The following SRPX variants were observed in gnomAD, a reference collection of about 807,000 sequenced individuals.
The protein encoded by SRPX is sushi repeat-containing protein SRPX.
SRPX carries 24 observed loss-of-function variants against 38.1 expected under a neutral mutation model. The ratio of observed to expected loss-of-function variants is 0.63; its 90% CI spans 0.46 to 0.89. SRPX has a LOEUF of 0.89. Ranked by LOEUF, SRPX falls within the 40% of genes least tolerant of loss-of-function variation. The pLI is 0.00. For missense variants in SRPX, 416 were observed against 377.8 expected (o/e 1.10, Z -0.84); for synonymous variants, 184 against 153.8 (o/e 1.20, Z -1.45).
At chrX:38,153,213 C>T (rs1296679510) in intron 9 of SRPX, among the ~76,000 whole-genome samples, 2 of 110,156 alleles carry the variant, frequency 1.8e-5, no homozygotes, top group Admixed American at 9.7e-5. Flanking sequence ...CCAGCCTTCT[C>T]CATTCATCAG....
intron 1 of SRPX, among the ~76,000 whole-genome samples, chrX:38,201,052 T>A (rs1227278383): frequency 1.8e-5 from 2 of 111,941 alleles, no homozygotes; most frequent in Non-Finnish European, 3.8e-5. Flanking sequence ...TCCTCTGAAC[T>A]TTCACAGTGA....
At chrX:38,217,465 A>G (rs182921210) in intron 1 of SRPX, among the ~76,000 whole-genome samples, 105 of 111,480 alleles carry the variant, frequency 9.4e-4, no homozygotes, top group African/African-American at 3.3e-3. Flanking sequence ...AATGTGACTC[A>G]GGTTCTATAA....
At chrX:38,191,541 GAC>G (rs10570334) in intron 1 of SRPX, among the ~76,000 whole-genome samples, 33,701 of 105,004 alleles carry the variant, frequency 0.32, 4,517 homozygotes, top group Middle Eastern at 0.42. Context: ...ATTATACACA[GAC>G]ACACACACAC....
chrX:38,172,055 T>C lies in SRPX; in HGVS notation c.352A>G (p.Lys118Glu), dbSNP rs755381730. The C allele has an allele frequency of 8.3e-7, 1 of 1,207,109 alleles. No homozygotes were observed. Among genetic ancestry groups the C allele is most frequent in the South Asian group, 1.8e-5 (1 of 56,302 alleles). Reference sequence around the variant, plus strand: ...GGCATGGCAAGGGTAGGACATCGCTTTTCTGAAAATGAGAAAATCAGATAT... The same window carrying C: ...GGCATGGCAAGGGTAGGACATCGCTCTTCTGAAAATGAGAAAATCAGATAT... Reference protein sequence around the residue: ...RWSDKVICKQKRCPTLAMPAN... With the variant: ...RWSDKVICKQERCPTLAMPAN... Residue 118 changes from lysine to glutamate, a missense_variant and splice_region_variant, in exon 4 of 10, where the codon AAG becomes GAG. Coordinates refer to ENST00000378533, the MANE Select transcript of SRPX (RefSeq NM_006307.5).
chrX:38,191,259 T>C (rs184704963), intron 1 of SRPX, among the ~76,000 whole-genome samples: 26 of 112,130 alleles, frequency 2.3e-4, no homozygotes, highest in African/African-American at 3.9e-4. Context: ...TTGAATGAAA[T>C]AGATGACTAA....
At chrX:38,216,413 G>A (rs1939422993) in intron 1 of SRPX, among the ~76,000 whole-genome samples, 2 of 113,011 alleles carry the variant, frequency 1.8e-5, no homozygotes, top group Non-Finnish European at 3.7e-5. Context: ...TCTGGGCAGA[G>A]CCCAGGATTT....
At chrX:38,194,878 T>G (rs1225786855) in intron 1 of SRPX, among the ~76,000 whole-genome samples, 3 of 89,992 alleles carry the variant, frequency 3.3e-5, no homozygotes, top group South Asian at 6.3e-4. Context: ...TTTTTTTTTT[T>G]TTTTTTTTTT....
chrX:38,198,162 C>T (rs1216765321), intron 1 of SRPX, among the ~76,000 whole-genome samples: 2 of 111,464 alleles, frequency 1.8e-5, no homozygotes, highest in Admixed American at 1.9e-4. Context: ...GAGGACAGGA[C>T]GAAATAAGAC....
At chrX:38,191,956 G>T (rs928222320) in intron 1 of SRPX, among the ~76,000 whole-genome samples, 5 of 111,559 alleles carry the variant, frequency 4.5e-5, no homozygotes, top group African/African-American at 6.5e-5. Flanking sequence ...TTTTTTACAG[G>T]GTTCCCCAAA....
chrX:38,181,974 C>T (rs756208316), intron 1 of SRPX, among the ~76,000 whole-genome samples: 2 of 111,061 alleles, frequency 1.8e-5, no homozygotes, highest in Non-Finnish European at 3.8e-5. Context: ...ACTCTTTTTC[C>T]GAATTGGTCT....
chrX:38,206,163 G>A (rs911014954), intron 1 of SRPX, among the ~76,000 whole-genome samples: 3 of 112,522 alleles, frequency 2.7e-5, no homozygotes, highest in East Asian at 2.8e-4. Context: ...AAGGCAACAC[G>A]GGGAGATGGA....
intron 1 of SRPX, among the ~76,000 whole-genome samples, chrX:38,215,965 T>C (rs1219062978): frequency 8.9e-6 from 1 of 112,506 alleles, no homozygotes; most frequent in East Asian, 2.8e-4. Context: ...TTGATTTTTC[T>C]GCCCATTAAG....
chrX:38,187,425 C>G (rs1239703859), intron 1 of SRPX, among the ~76,000 whole-genome samples: 1 of 111,672 alleles, frequency 9.0e-6, no homozygotes, highest in African/African-American at 3.3e-5. Flanking sequence ...TACAGTCAAT[C>G]TTTTTCAGAA....
intron 8 of SRPX, among the ~76,000 whole-genome samples, chrX:38,156,538 C>T (rs750981071): frequency 8.9e-6 from 1 of 111,733 alleles, no homozygotes; most frequent in South Asian, 3.8e-4. Flanking sequence ...CAAAGAAATT[C>T]CCTGGGGAAA....
At chrX:38,194,791 C>T (rs931658677) in intron 1 of SRPX, among the ~76,000 whole-genome samples, 5 of 108,682 alleles carry the variant, frequency 4.6e-5, no homozygotes, top group Non-Finnish European at 9.5e-5. Flanking sequence ...AGACTATATT[C>T]AGCATGTGTC....
intron 1 of SRPX, among the ~76,000 whole-genome samples, chrX:38,192,095 C>T (rs1006142787): frequency 4.5e-5 from 5 of 111,432 alleles, no homozygotes; most frequent in Non-Finnish European, 7.5e-5. Context: ...CACATTTAGC[C>T]CACTGCCCAG....
chrX:38,167,064 C>A (rs1938375228), intron 4 of SRPX, among the ~76,000 whole-genome samples: 1 of 111,401 alleles, frequency 9.0e-6, no homozygotes, highest in Non-Finnish European at 1.9e-5. Context: ...GGACTCCTTC[C>A]TACATGCCCA....
At chrX:38,210,197 G>A (rs919603272) in intron 1 of SRPX, among the ~76,000 whole-genome samples, 2 of 111,964 alleles carry the variant, frequency 1.8e-5, no homozygotes, top group Non-Finnish European at 3.8e-5. Context: ...TGATTCAGTA[G>A]CTCTGGGGTG....
chrX:38,174,299 C>T lies in SRPX; in HGVS notation c.210G>A (p.Arg70=). 1 of 1,118,557 alleles carries T rather than the reference C, an allele frequency of 8.9e-7. No individual in the cohort carries two copies. The highest frequency in any genetic ancestry group is 3.4e-5 in the East Asian group (1 of 29,270). The allele number at this position is 1,118,557 out of a possible 1,213,427, so 92.2% of individuals were successfully genotyped here. A position where few individuals can be genotyped will look rare whatever the true frequency, so the allele number is the denominator to read the frequency against. The change falls in exon 3 of 10, where the codon AGG becomes AGA. Residue 70 remains arginine (R), a synonymous_variant. Transcript: ENST00000378533. The stretch of plus-strand genomic sequence containing the variant: ...TTTTGTAGTATCCTCCTTGAGGGGC[C>T]CTGCAGTACACATCCCCATACTTCA... ...IKVKYGDVYC[R]APQGGYYKTA... is the part of the protein sequence containing the mutation.
Sources: gnomAD v4.1 joint callset for allele counts (sites outside exome capture counted in the v4.1 genomes callset) on GRCh38, gnomAD v4.1.1 for gene constraint, MANE v1.5 for transcripts, NCBI Gene and HGNC (gene_info 2026-07-23, HGNC 2026-07-21) for gene names.